Variants in TTN observed in about 807,000 individuals in gnomAD.
TTN encodes the protein connectin.
A neutral mutation model predicts 3,223.0 loss-of-function variants in TTN; 1,525 were observed. The ratio of observed to expected loss-of-function variants is 0.47; its 90% CI spans 0.45 to 0.49. The LOEUF (loss-of-function observed/expected upper bound fraction) is 0.49, where lower values mean the gene tolerates loss of function less well. Ranked by LOEUF, TTN falls within the 20% of genes least tolerant of loss-of-function variation. The pLI, the probability that TTN is intolerant of heterozygous loss-of-function variation, is 0.00. For missense variants in TTN, 40,786 were observed against 43,424.0 expected, an observed-to-expected ratio of 0.94 and a Z score of 5.40; for synonymous variants, 14,094 against 15,161.0, an observed-to-expected ratio of 0.93 and a Z score of 5.17.
At chr2:178,604,949 C>T in intron 280 of TTN, 38 bp downstream of exon 280, 2 of 1,593,018 alleles carry the variant, frequency 1.3e-6, no homozygotes, top group Non-Finnish European at 1.7e-6. Context: ...TAAACAGACA[C>T]TGGATGCCTT....
At chr2:178,796,653 G>A (rs994661451) in intron 6 of TTN, among the ~76,000 whole-genome samples, 5 of 152,138 alleles carry the variant, frequency 3.3e-5, no homozygotes, top group Admixed American at 3.3e-4. Context: ...CTGAAGAAAA[G>A]CAAAGAGACA....
At chr2:178,719,929 A>G (rs1472886979) in intron 81 of TTN, 54 bp downstream of exon 81, 2 of 1,541,632 alleles carry the variant, frequency 1.3e-6, no homozygotes, top group East Asian at 4.6e-5. Context: ...TTTGAGGAAA[A>G]TGATCATGGA....
intron 33 of TTN, 116 bp from the exon 34 acceptor site, chr2:178,771,587 A>C (rs1393574179): frequency 7.0e-7 from 1 of 1,432,390 alleles, no homozygotes; most frequent in African/African-American, 1.4e-5. Context: ...GAAATCATGA[A>C]ATGTCTATGA....
At chr2:178,684,487 T>C (rs1216144711) in intron 131 of TTN, 74 bp from the exon 132 acceptor site, 40 of 1,494,780 alleles carry the variant, frequency 2.7e-5, no homozygotes, top group Non-Finnish European at 3.7e-5. Context: ...GAAAGTACTG[T>C]GATTTTAGAA....
In TTN at chr2:178,610,192, T is replaced by A; in HGVS notation, c.51334A>T (p.Ile17112Leu). The change falls in exon 271 of 363, where the codon ATA (isoleucine) becomes TTA (leucine). Residue 17112 changes from isoleucine (I) to leucine (L), a missense_variant. Coordinates refer to ENST00000589042, the MANE Select transcript of TTN (RefSeq NM_001267550.2). ...CGGAAGAAGTATTCACCATTTGGTA[T>A]GAGATCCTTCACAGTCCATGACAGT... is the stretch of plus-strand genomic sequence containing the variant. ...NKLSWTVKDL[I>L]PNGEYFFRVK... The A allele has an allele frequency of 6.2e-7, 1 of 1,612,248 alleles. No homozygotes were observed. The highest frequency in any genetic ancestry group is 8.5e-7 in the Non-Finnish European group (1 of 1,178,594).
Position 178,652,546 on chromosome 2 carries a change from A to G in TTN, c.39044-5T>C, listed in dbSNP as rs748258316. ...CTTCTTTCGGAGCCTCTGGCACTTAAAAGATATTAGTGAAATTACATTTAG... is the reference window on the plus strand; with the variant it reads ...CTTCTTTCGGAGCCTCTGGCACTTAGAAGATATTAGTGAAATTACATTTAG... On this transcript the variant is annotated splice_region_variant and splice_polypyrimidine_tract_variant and intron_variant, in intron 201 of 362. Transcript: ENST00000589042. The G allele has an allele frequency of 6.2e-7, 1 of 1,613,066 alleles. No homozygotes were observed. The highest frequency in any genetic ancestry group is 8.5e-7 in the Non-Finnish European group (1 of 1,179,558).
Position 178,533,863 on chromosome 2 carries a change from A to G in TTN, c.102752T>C (p.Met34251Thr), listed in dbSNP as rs750864230. The change falls in exon 358 of 363, where the codon ATG (methionine) becomes ACG (threonine). Residue 34251 changes from methionine to threonine, a missense_variant. Transcript: ENST00000589042. ...TTCTGGTGGCCTTTCCAGGAGTCTC[A>G]TTGTGTCTGTTCTGCGCTTAATTTT... ...MKKIKRRTDT[M>T]RLLERPPEFT... is the part of the protein sequence containing the mutation. The G allele has an allele frequency of 6.2e-7, 1 of 1,613,846 alleles. No homozygotes were observed. Among genetic ancestry groups the G allele is most frequent in the Admixed American group, 1.7e-5 (1 of 60,012 alleles).
At chr2:178,706,061 A>T (rs2075814265) in intron 102 of TTN, among the ~76,000 whole-genome samples, 1 of 152,198 alleles carries the variant, frequency 6.6e-6, no homozygotes, top group African/African-American at 2.4e-5. Context: ...AAATGTCTAT[A>T]TGCCTATGTT....
Position 178,554,815 on chromosome 2 carries a change from C to T in TTN, c.88594+50G>A, listed in dbSNP as rs1700732876. 9.3e-6 allele frequency: 15 copies of T among 1,612,174 alleles called. No individual in the cohort carries two copies. The East Asian group carries it at 3.3e-4, about 36-fold the overall frequency. ...TTTAAAGCCTACTTGTTCAAAATTACTAAGCTTTAGGCAAATGTAATATGA... is the reference window on the plus strand; with the variant it reads ...TTTAAAGCCTACTTGTTCAAAATTATTAAGCTTTAGGCAAATGTAATATGA... On this transcript the variant is annotated intron_variant, in intron 331 of 362. Transcript: ENST00000589042.
Position 178,561,972 on chromosome 2 carries a change from C to T in TTN, c.84160G>A (p.Asp28054Asn), listed in dbSNP as rs780958039. 1 of 1,613,282 alleles carries T rather than the reference C, an allele frequency of 6.2e-7. No homozygotes were observed. Among genetic ancestry groups the T allele is most frequent in the Non-Finnish European group, 8.5e-7 (1 of 1,179,530 alleles). Residue 28054 changes from aspartate (D) to asparagine (N), a missense_variant, in exon 326 of 363, where the codon GAC becomes AAC. Physicochemically the swap from Asp to Asn is conservative, Grantham distance 23. Transcript: ENST00000589042. Reference sequence around the variant, plus strand: ...ATAGGACCTGGAGGTCCTGGTCTGTCAAGGACAATTATAGTAATAGGAACT... The same window carrying T: ...ATAGGACCTGGAGGTCCTGGTCTGTTAAGGACAATTATAGTAATAGGAACT... ...ITVPITIIVLDRPGPPGPIRI... is the reference protein window; with the variant it reads ...ITVPITIIVLNRPGPPGPIRI...
chr2:178,744,537 A>T (rs1367591705), intron 47 of TTN: 2 of 882,266 alleles, frequency 2.3e-6, no homozygotes, highest in Non-Finnish European at 2.7e-6. Context: ...CTTTAGAAAC[A>T]TAAACATCAC....
Position 178,531,090 on chromosome 2 carries a change from G to A in TTN, c.105525C>T (p.His35175=), listed in dbSNP as rs1215297501. The change falls in exon 358 of 363, where the codon CAC becomes CAT. Residue 35175 remains histidine, a synonymous_variant. Coordinates refer to ENST00000589042, the MANE Select transcript of TTN (RefSeq NM_001267550.2). ...ATTTGTACTTTGTGGTGGTCACTTG[G>A]TGGCGGGCAGAAGTACTTAGCACTT... ...KGQVLSTSAR[H]QVTTTKYKST... The A allele has an allele frequency of 6.2e-7, 1 of 1,613,880 alleles. No homozygotes were observed. Among genetic ancestry groups the A allele is most frequent in the African/African-American group, 1.3e-5 (1 of 74,920 alleles).
At position 178,607,859 on chromosome 2, in the gene TTN, C is replaced by A. The variant is rs571636340; in HGVS notation, c.52928G>T (p.Arg17643Leu). Residue 17643 changes from arginine to leucine, a missense_variant, in exon 276 of 363, where the codon CGG (arginine) becomes CTG (leucine). Physicochemically the swap from Arg to Leu is moderately radical, Grantham distance 102 (BLOSUM62 -2). Coordinates refer to ENST00000589042, the MANE Select transcript of TTN (RefSeq NM_001267550.2). Reference sequence around the variant, plus strand: ...CCCTGCGGCATTGACAGCACTCACCCGAAGTTTGTAATCAGCACCCTCTCG... The same window carrying A: ...CCCTGCGGCATTGACAGCACTCACCAGAAGTTTGTAATCAGCACCCTCTCG... ...EIREGADYKL[R>L]VSAVNAAGEG... The A allele has an allele frequency of 6.2e-7, 1 of 1,612,864 alleles. No individual in the cohort carries two copies. The highest frequency in any genetic ancestry group is 8.5e-7 in the Non-Finnish European group (1 of 1,179,330).
At chr2:178,805,745 T>C (rs2094288850) in intron 1 of TTN, among the ~76,000 whole-genome samples, 1 of 152,208 alleles carries the variant, frequency 6.6e-6, no homozygotes, top group South Asian at 2.1e-4. Flanking sequence ...TGGCTTGAGT[T>C]CTTAATATGG....
Position 178,554,740 on chromosome 2 carries a change from G to A in TTN, c.88607C>T (p.Pro29536Leu), listed in dbSNP as rs928055260. The A allele has an allele frequency of 6.2e-7, 1 of 1,613,622 alleles. No individual in the cohort carries two copies. ...IRVQILDKPGPPGGPIEFKTV... is the reference protein window; with the variant it reads ...IRVQILDKPGLPGGPIEFKTV... ...CTTAAATTCAATTGGTCCACCAGGT[G>A]GGCCTGGTTTGTCTATCAGTGAAAG... is the stretch of plus-strand genomic sequence containing the variant. The change falls in exon 332 of 363, where the codon CCA (proline) becomes CTA (leucine). Residue 29536 changes from proline (P) to leucine (L), a missense_variant. Physicochemically the swap from Pro to Leu is moderately conservative, Grantham distance 98. Coordinates refer to ENST00000589042, the MANE Select transcript of TTN (RefSeq NM_001267550.2).
intron 129 of TTN, 111 bp from the exon 130 acceptor site, chr2:178,685,100 A>G: frequency 8.7e-7 from 1 of 1,150,974 alleles, no homozygotes; most frequent in Non-Finnish European, 1.2e-6. Context: ...ACAAACGTTA[A>G]TGACTATACT....
intron 44 of TTN, among the ~76,000 whole-genome samples, chr2:178,758,537 G>A (rs887316210): frequency 5.3e-5 from 8 of 152,164 alleles, no homozygotes; most frequent in Admixed American, 3.9e-4. Context: ...AATATAGCTC[G>A]CTGGTGTACA....
rs1454726736 is a variant in TTN at position 178,567,725 on chromosome 2, A to G, written c.78407T>C (p.Met26136Thr). ...AATGACATTTGTAAAGCTAGCTTTC[A>G]TCCAACGACCATCAGGCAAATCACG... is the stretch of plus-strand genomic sequence containing the variant. ...EKRDLPDGRW[M>T]KASFTNVIET... The change falls in exon 326 of 363, where the codon ATG (methionine) becomes ACG (threonine). Residue 26136 changes from methionine (M) to threonine (T), a missense_variant. Physicochemically the swap from Met to Thr is moderately conservative, Grantham distance 81. Transcript: ENST00000589042. The G allele has an allele frequency of 2.5e-6, 4 of 1,612,440 alleles. No homozygotes were observed. The highest frequency in any genetic ancestry group is 2.7e-5 in the African/African-American group (2 of 75,008).
chr2:178,750,260 G>C, intron 47 of TTN: 1 of 1,613,178 alleles, frequency 6.2e-7, no homozygotes, highest in Non-Finnish European at 8.5e-7. Flanking sequence ...ATGGAACACT[G>C]GGACTTTATG....
Sources: allele counts gnomAD v4.1 joint callset (sites outside exome capture counted in the v4.1 genomes callset), GRCh38; gene constraint gnomAD v4.1.1; transcripts MANE v1.5; gene names NCBI Gene and HGNC (gene_info 2026-07-23, HGNC 2026-07-21).